Variants in FCGR1A observed in about 807,000 individuals in gnomAD.
The protein encoded by FCGR1A is Fc gamma receptor Ia, also known as high affinity immunoglobulin gamma Fc receptor I.
Under a neutral mutation model 35.0 loss-of-function variants are expected in FCGR1A, and 13 were observed. The ratio of observed to expected loss-of-function variants is 0.37; its 90% CI spans 0.24 to 0.59. The LOEUF (loss-of-function observed/expected upper bound fraction) is 0.59. FCGR1A is among the 20% of genes least tolerant of loss of function. FCGR1A has a pLI of 0.71. For synonymous variants in FCGR1A, 91 were observed against 164.7 expected (o/e 0.55, Z 3.43); for missense variants, 227 against 430.0 (o/e 0.53, Z 4.17).
chr1:149,788,688 C>T (rs1226035246), intron 4 of FCGR1A, 71 bp downstream of exon 4: 4 of 1,549,390 alleles, frequency 2.6e-6, no homozygotes, highest in Non-Finnish European at 3.5e-6. Flanking sequence ...ATTCTAAACT[C>T]CTCACTTTAA....
At chr1:149,789,707 T>C (rs2091652819) in intron 4 of FCGR1A, among the ~76,000 whole-genome samples, 1 of 152,244 alleles carries the variant, frequency 6.6e-6, no homozygotes, top group African/African-American at 2.4e-5. Context: ...CTATTGTGAA[T>C]TGTGCGTGCC....
intron 4 of FCGR1A, among the ~76,000 whole-genome samples, chr1:149,789,281 T>C (rs1222300262): frequency 1.3e-5 from 2 of 152,094 alleles, no homozygotes; most frequent in African/African-American, 4.8e-5. Context: ...TAGTCCCAGC[T>C]ACTCGGGAGG....
the FCGR1A span, among the ~76,000 whole-genome samples, chr1:149,799,876 C>A: frequency 6.6e-6 from 1 of 152,284 alleles, no homozygotes; most frequent in African/African-American, 2.4e-5. Context: ...AGACTGACGG[C>A]GGAGGGGGGT....
downstream of FCGR1A, chr1:149,791,983 CTG>C (rs1353729429): frequency 7.1e-6 from 1 of 141,282 alleles, no homozygotes; most frequent in Admixed American, 6.7e-5. Context: ...GACTGTGAGA[CTG>C]AGAGGGCTCA....
downstream of FCGR1A, chr1:149,793,186 T>C (rs1553752398): frequency 1.4e-5 from 18 of 1,278,426 alleles, 1 homozygote; most frequent in Middle Eastern, 1.5e-3. Flanking sequence ...AGGACGGCGC[T>C]GGGCTCCCAG....
chr1:149,791,454 G>C lies in FCGR1A; in HGVS notation c.1062G>C (p.Gln354His). The C allele has an allele frequency of 6.2e-7, 1 of 1,608,192 alleles. No individual in the cohort carries two copies. Reference sequence around the variant, plus strand: ...ATTTAGAAGAAGAGCTGAAATGTCAGGAACAAAAAGAAGAACAGCTGCAGG... The same window carrying C: ...ATTTAGAAGAAGAGCTGAAATGTCACGAACAAAAAGAAGAACAGCTGCAGG... ...DRHLEEELKC[Q>H]EQKEEQLQEG... Residue 354 changes from glutamine (Q) to histidine (H), a missense_variant, in exon 6 of 6, where the codon CAG (glutamine) becomes CAC (histidine). This residue lies in a region of FCGR1A where 39 missense variants were observed against 101.3 expected (regional missense o/e 0.38). Coordinates refer to ENST00000369168, the MANE Select transcript of FCGR1A (RefSeq NM_000566.4).
the FCGR1A span, among the ~76,000 whole-genome samples, chr1:149,796,818 TCA>T: frequency 6.6e-6 from 1 of 152,276 alleles, no homozygotes. Context: ...TGTCATTGCC[TCA>T]CACTCAGTCG....
the FCGR1A span, among the ~76,000 whole-genome samples, chr1:149,799,908 A>G: frequency 6.6e-6 from 1 of 152,162 alleles, no homozygotes; most frequent in Non-Finnish European, 1.5e-5. Context: ...CAAGCAAGCA[A>G]TCAGTTCTGC....
intron 4 of FCGR1A, among the ~76,000 whole-genome samples, chr1:149,789,158 CTCTG>C (rs1472862439): frequency 6.6e-6 from 1 of 151,204 alleles, no homozygotes; most frequent in Non-Finnish European, 1.5e-5. Context: ...AGCAACCTTT[CTCTG>C]TCTGAGAAAA....
At position 149,790,388 on chromosome 1, in the gene FCGR1A, A is replaced by G. The variant is rs1184571058; in HGVS notation, c.844+50A>G. 46 of 1,554,968 alleles carry G rather than the reference A, an allele frequency of 3.0e-5. No individual in the cohort carries two copies. The East Asian group carries it at 8.0e-4, about 27-fold the overall frequency. ...CTGGCACAGAAGAAGGGACTCCCTT[A>G]TCTCCCATGGGACTGAGGTTTGTTC... is the stretch of plus-strand genomic sequence containing the variant. On this transcript the variant is annotated intron_variant, in intron 5 of 5. Transcript: ENST00000369168.
Position 149,785,407 on chromosome 1 carries a change from C to CCTTTTTTTTTTTTTT in FCGR1A, c.307+1150_307+1151insCTTTTTTTTTTTTTT, listed in dbSNP as rs1553750700. 2.7e-5 allele frequency among the ~76,000 whole-genome samples: 2 copies of CCTTTTTTTTTTTTTT among 74,544 alleles called. 1 individual carries two copies. Among genetic ancestry groups the CCTTTTTTTTTTTTTT allele is most frequent in the African/African-American group, 9.1e-5 (2 of 21,900 alleles). The allele number at this position is 74,544 out of a possible 152,430, so 48.9% of individuals were successfully genotyped here. Reference sequence around the variant, plus strand: ...GTTAGGGAAGCTGACAGAGCTGTTTCGTTTTTTTTTTTTTTTTTTTTTTTT... The same window carrying CCTTTTTTTTTTTTTT: ...GTTAGGGAAGCTGACAGAGCTGTTTCCTTTTTTTTTTTTTTGTTTTTTTTTTTTTTTTTTTTTTTT... On this transcript the variant is annotated intron_variant, in intron 3 of 5. Transcript: ENST00000369168.
chr1:149,793,260 C>A, downstream of FCGR1A: 1 of 1,245,034 alleles, frequency 8.0e-7, no homozygotes, highest in Non-Finnish European at 1.0e-6. Flanking sequence ...AGGGAGGGAG[C>A]GGGTGGGGAG....
At chr1:149,796,861 T>C in the FCGR1A span, among the ~76,000 whole-genome samples, 1 of 152,218 alleles carries the variant, frequency 6.6e-6, no homozygotes, top group African/African-American at 2.4e-5. Context: ...ATTATTTTGA[T>C]CAATTTGTAT....
intron 4 of FCGR1A, among the ~76,000 whole-genome samples, chr1:149,788,866 G>T (rs1389607222): frequency 6.6e-6 from 1 of 152,018 alleles, no homozygotes; most frequent in Non-Finnish European, 1.5e-5. Flanking sequence ...CAATGTCAGG[G>T]CATAATGGTG....
At position 149,790,221 on chromosome 1, in the gene FCGR1A, T is replaced by C; in HGVS notation, c.727T>C (p.Ser243Pro). ...SKTLRGRNTS[S>P]EYQILTARRE... ...GACCCTGCGAGGCAGGAACACATCCTCTGAATACCAAATACTAACTGCTAG... is the reference window on the plus strand; with the variant it reads ...GACCCTGCGAGGCAGGAACACATCCCCTGAATACCAAATACTAACTGCTAG... The change falls in exon 5 of 6, where the codon TCT becomes CCT. Residue 243 changes from serine (S) to proline (P), a missense_variant. This residue lies in a region of FCGR1A where 185 missense variants were observed against 306.6 expected (regional missense o/e 0.60). Transcript: ENST00000369168. 1 of 1,613,118 alleles carries C rather than the reference T, an allele frequency of 6.2e-7. No homozygotes were observed. The highest frequency in any genetic ancestry group is 8.5e-7 in the Non-Finnish European group (1 of 1,179,542).
At chr1:149,798,249 CTTG>C in the FCGR1A span, among the ~76,000 whole-genome samples, 13 of 144,012 alleles carry the variant, frequency 9.0e-5, no homozygotes, top group African/African-American at 3.4e-4. Flanking sequence ...CTTTTCAGCA[CTTG>C]TTGAGACTTA....
chr1:149,795,561 GAA>G (rs1270941626), downstream of FCGR1A, among the ~76,000 whole-genome samples: 2 of 127,410 alleles, frequency 1.6e-5, no homozygotes, highest in Non-Finnish European at 3.3e-5. Context: ...AAGAAAAAGA[GAA>G]AGATTCTTTT....
chr1:149,786,440 C>T (rs1169637641), intron 3 of FCGR1A: 1 of 152,134 alleles, frequency 6.6e-6, no homozygotes, highest in Non-Finnish European at 1.5e-5. Flanking sequence ...GTTAATTTTA[C>T]TACAGTACAA....
chr1:149,797,329 G>A, the FCGR1A span, among the ~76,000 whole-genome samples: 1 of 151,576 alleles, frequency 6.6e-6, no homozygotes, highest in Non-Finnish European at 1.5e-5. Flanking sequence ...TTGGTAATTT[G>A]TATGGAAAAG....
Sources: allele counts gnomAD v4.1 joint callset (sites outside exome capture counted in the v4.1 genomes callset), GRCh38; gene constraint gnomAD v4.1.1; regional missense constraint gnomAD v4.1.1; transcripts MANE v1.5; gene names NCBI Gene and HGNC (gene_info 2026-07-23, HGNC 2026-07-21).